TNNT2: variants seen among roughly 807,000 people sequenced by gnomAD.
TNNT2 encodes the protein troponin T2, cardiac type.
TNNT2 carries 34 observed loss-of-function variants against 62.4 expected under a neutral mutation model. That is an observed-to-expected ratio of 0.54 (90% CI 0.41 to 0.72). TNNT2 has a LOEUF of 0.72. Among genes scored for constraint, TNNT2 ranks in the 30% least tolerant of loss-of-function variants. The probability of loss-of-function intolerance (pLI) is 0.00; values close to 1 mark genes in which losing one functional copy is unlikely to be tolerated. For missense variants in TNNT2, 275 were observed against 381.9 expected (o/e 0.72, Z 2.33); for synonymous variants, 123 against 127.2 (o/e 0.97, Z 0.22).
intron 15 of TNNT2, chr1:201,360,900 G>A (rs1444140111): frequency 5.5e-6 from 2 of 363,604 alleles, no homozygotes; most frequent in Non-Finnish European, 1.1e-5. Context: ...GACCTTGGGT[G>A]TATGTGGGGA....
intron 8 of TNNT2, chr1:201,366,553 TGA>T: frequency 1.5e-6 from 2 of 1,331,618 alleles, no homozygotes; most frequent in Non-Finnish European, 9.7e-7. Flanking sequence ...GGCCATACTG[TGA>T]GAGAGGAGAG....
At chr1:201,369,337 C>T (rs1426823046) in intron 5 of TNNT2, 1 of 473,044 alleles carries the variant, frequency 2.1e-6, no homozygotes, top group South Asian at 1.5e-5. Flanking sequence ...CATGTCCTTC[C>T]TGCTCTGGCT....
At chr1:201,365,435 G>C in intron 9 of TNNT2, 128 bp from the exon 10 acceptor site, 1 of 1,182,032 alleles carries the variant, frequency 8.5e-7, no homozygotes, top group East Asian at 2.3e-5. Flanking sequence ...GCCAGGGAAG[G>C]GGTAACTGTG....
chr1:201,362,156 C>A, intron 13 of TNNT2, 134 bp from the exon 14 acceptor site: 1 of 1,176,436 alleles, frequency 8.5e-7, no homozygotes, highest in East Asian at 2.4e-5. Context: ...CTGCCACACC[C>A]CCCAACTACC....
At chr1:201,367,327 C>T (rs191416468) in intron 7 of TNNT2, 460 of 382,982 alleles carry the variant, frequency 1.2e-3, no homozygotes, top group Non-Finnish European at 2.0e-3. Context: ...TTGTCCCCTC[C>T]CCTTTGGAGA....
chr1:201,375,600 G>A (rs1661280349), intron 1 of TNNT2, among the ~76,000 whole-genome samples: 1 of 152,168 alleles, frequency 6.6e-6, no homozygotes, highest in Non-Finnish European at 1.5e-5. Flanking sequence ...AGTGGCCAAA[G>A]AGAATAGCCT....
intron 11 of TNNT2, chr1:201,363,652 T>C (rs377090765): frequency 3.5e-5 from 18 of 512,278 alleles, no homozygotes; most frequent in African/African-American, 2.7e-4. Flanking sequence ...AAGCTGGGAG[T>C]GCCCCTGGAA....
intron 15 of TNNT2, 152 bp from the exon 16 acceptor site, chr1:201,359,815 G>C: frequency 1.3e-6 from 1 of 751,266 alleles, no homozygotes; most frequent in Non-Finnish European, 2.4e-6. Flanking sequence ...GATAGTTAAG[G>C]GTCAGGAGGG....
At position 201,368,160 on chromosome 1, in the gene TNNT2, A is replaced by C. The variant is rs111683656; in HGVS notation, c.163+2T>G. ...CCCCTGCACCCTCAACCAGAGACTT[A>C]CCTTCTGCCCTGGTCTCCTCGGTCT... On this transcript the variant is annotated splice_donor_variant, in intron 6 of 16. Coordinates refer to ENST00000656932, the MANE Select transcript of TNNT2 (RefSeq NM_001276345.2). LOFTEE classifies it high-confidence loss of function. The C allele has an allele frequency of 1.9e-6, 3 of 1,613,970 alleles. No homozygotes were observed. Among genetic ancestry groups the C allele is most frequent in the Non-Finnish European group, 2.5e-6 (3 of 1,179,950 alleles).
chr1:201,369,692 T>C (rs1660303209), intron 5 of TNNT2, 124 bp downstream of exon 5: 3 of 1,176,016 alleles, frequency 2.6e-6, no homozygotes. Context: ...AGGAAACGAC[T>C]GACCCACTCC....
Position 201,370,434 on chromosome 1 carries a change from G to A in TNNT2, c.68-589C>T, listed in dbSNP as rs576975634. ...GGGAGGATGCTGCCCCATCTAAGAAGGGTCCAGCATTATAAATCTAAGGAA... is the reference window on the plus strand; with the variant it reads ...GGGAGGATGCTGCCCCATCTAAGAAAGGTCCAGCATTATAAATCTAAGGAA... On this transcript the variant is annotated intron_variant, in intron 4 of 16. Transcript: ENST00000656932. Among the ~76,000 whole-genome samples, 5 of 152,272 alleles carry A rather than the reference G, an allele frequency of 3.3e-5. No individual in the cohort carries two copies. The South Asian group carries it at 8.3e-4, about 25-fold the overall frequency.
chr1:201,369,627 G>T (rs1660288133), intron 5 of TNNT2, among the ~76,000 whole-genome samples, 189 bp downstream of exon 5: 1 of 152,196 alleles, frequency 6.6e-6, no homozygotes, highest in Non-Finnish European at 1.5e-5. Flanking sequence ...TGGCCCTGAA[G>T]TTCAGGCATG....
At chr1:201,377,251 C>T (rs1464373332) in intron 1 of TNNT2, among the ~76,000 whole-genome samples, 6 of 152,106 alleles carry the variant, frequency 3.9e-5, no homozygotes, top group Non-Finnish European at 8.8e-5. Context: ...TTGGTTAGAG[C>T]CTCATTGTAT....
chr1:201,365,643 G>A lies in TNNT2; in HGVS notation c.261C>T (p.Pro87=). ...PRSFMPNLVP[P]KIPDGERVDF... ...CCACTCTCTCTCCATCGGGGATCTT[G>A]GGAGGCACCAAGTTGGGCATGAACG... The change falls in exon 9 of 17, where the codon CCC becomes CCT. Residue 87 remains proline, a synonymous_variant. Coordinates refer to ENST00000656932, the MANE Select transcript of TNNT2 (RefSeq NM_001276345.2). 1 of 1,614,060 alleles carries A rather than the reference G, an allele frequency of 6.2e-7. No individual in the cohort carries two copies. The highest frequency in any genetic ancestry group is 8.5e-7 in the Non-Finnish European group (1 of 1,179,972).
At chr1:201,362,801 G>A (rs1372573510) in intron 12 of TNNT2, among the ~76,000 whole-genome samples, 2 of 152,220 alleles carry the variant, frequency 1.3e-5, no homozygotes, top group African/African-American at 4.8e-5. Flanking sequence ...TGAGTTTCCA[G>A]GAACAAACAA....
In TNNT2 at chr1:201,361,894, C is replaced by T. The variant is rs751152421; in HGVS notation, c.719+19G>A. On this transcript the variant is annotated intron_variant, in intron 14 of 16. Transcript: ENST00000656932. ...GCAGATGCGGGCAGTGCCCCAGGACCATTCCTCCCAGCCCCCACCTCAGCT... is the reference window on the plus strand; with the variant it reads ...GCAGATGCGGGCAGTGCCCCAGGACTATTCCTCCCAGCCCCCACCTCAGCT... 6 of 1,610,644 alleles carry T rather than the reference C, an allele frequency of 3.7e-6. No individual in the cohort carries two copies. Among genetic ancestry groups the T allele is most frequent in the Non-Finnish European group, 5.1e-6 (6 of 1,176,840 alleles).
intron 15 of TNNT2, among the ~76,000 whole-genome samples, chr1:201,359,915 A>G (rs796800216): frequency 1.1e-4 from 17 of 152,298 alleles, no homozygotes; most frequent in African/African-American, 4.1e-4. Flanking sequence ...TAATAGGTTC[A>G]GGATATGAGA....
intron 4 of TNNT2, among the ~76,000 whole-genome samples, chr1:201,371,093 G>A (rs908222566): frequency 6.6e-6 from 1 of 152,168 alleles, no homozygotes; most frequent in Admixed American, 6.5e-5. Flanking sequence ...GGAGCCATGG[G>A]GAGCAAGGGC....
intron 1 of TNNT2, among the ~76,000 whole-genome samples, chr1:201,376,259 C>T (rs376410866): frequency 2.0e-4 from 31 of 152,224 alleles, no homozygotes; most frequent in African/African-American, 6.3e-4. Context: ...GCATACTGAC[C>T]TTGGGGTCAA....
Sources: allele counts gnomAD v4.1 joint callset (sites outside exome capture counted in the v4.1 genomes callset), GRCh38; gene constraint gnomAD v4.1.1; transcripts MANE v1.5; gene names NCBI Gene and HGNC (gene_info 2026-07-23, HGNC 2026-07-21).